Variants in CALCOCO2 observed in about 807,000 individuals in gnomAD.
CALCOCO2 encodes the protein calcium binding and coiled-coil domain 2, also known as calcium-binding and coiled-coil domain-containing protein 2.
A neutral mutation model predicts 62.5 loss-of-function variants in CALCOCO2; 42 were observed. That is an observed-to-expected ratio of 0.67 (90% confidence interval 0.53 to 0.87). The LOEUF (loss-of-function observed/expected upper bound fraction) is 0.87. CALCOCO2 is among the 40% of genes least tolerant of loss of function. CALCOCO2 has a pLI of 0.00. For synonymous variants in CALCOCO2, 167 were observed against 173.0 expected (o/e 0.97, Z 0.27); for missense variants, 456 against 515.0 (o/e 0.89, Z 1.11).
chr17:48,858,827 G>T (rs1040394439), intron 10 of CALCOCO2, among the ~76,000 whole-genome samples: 1 of 151,660 alleles, frequency 6.6e-6, no homozygotes, highest in Non-Finnish European at 1.5e-5. Flanking sequence ...GGCCGAGGCG[G>T]GTGGATCACG....
At chr17:48,858,703 G>C (rs370294577) in intron 10 of CALCOCO2, among the ~76,000 whole-genome samples, 2 of 151,700 alleles carry the variant, frequency 1.3e-5, no homozygotes, top group African/African-American at 4.9e-5. Context: ...TGTGGGGGGG[G>C]GCAGGTGCAC....
intron 1 of CALCOCO2, among the ~76,000 whole-genome samples, chr17:48,838,964 G>T (rs974275620): frequency 1.3e-5 from 2 of 151,840 alleles, no homozygotes; most frequent in Non-Finnish European, 1.5e-5. Context: ...TGTTTAAGGG[G>T]CAGGAAGTAT....
chr17:48,836,099 C>T (rs1052568953), intron 1 of CALCOCO2, among the ~76,000 whole-genome samples: 2 of 152,172 alleles, frequency 1.3e-5, no homozygotes, highest in Non-Finnish European at 2.9e-5. Flanking sequence ...CCAAGCTACC[C>T]CATGCCCTTA....
intron 1 of CALCOCO2, among the ~76,000 whole-genome samples, chr17:48,837,705 T>A (rs997655535): frequency 6.6e-6 from 1 of 152,030 alleles, no homozygotes. Context: ...GGCTAAACTG[T>A]GTCACAAACC....
chr17:48,854,566 C>T (rs1325776217), intron 9 of CALCOCO2, among the ~76,000 whole-genome samples: 6 of 148,812 alleles, frequency 4.0e-5, no homozygotes, highest in South Asian at 2.2e-4. Flanking sequence ...CCACGATGCC[C>T]GGCTAATTTT....
chr17:48,833,511 C>G (rs2039845252), intron 1 of CALCOCO2, among the ~76,000 whole-genome samples: 1 of 145,428 alleles, frequency 6.9e-6, no homozygotes, highest in Non-Finnish European at 1.5e-5. Context: ...CACACCACTG[C>G]ACTCCACCCT....
At chr17:48,834,757 A>AT (rs1162960109) in intron 1 of CALCOCO2, among the ~76,000 whole-genome samples, 1 of 152,102 alleles carries the variant, frequency 6.6e-6, no homozygotes, top group African/African-American at 2.4e-5. Context: ...AGTCATTTTA[A>AT]TTTTCATGGG....
In CALCOCO2 at chr17:48,864,528, C is replaced by CAAATGGAAA. The variant is rs2040369048; in HGVS notation, c.*1524_*1532dup. Reference sequence around the variant, plus strand: ...ATTTTCTATCCCCTCAGGGACTGAACAAATGGAAATAACTCCCAGGCAGTA... The same window carrying CAAATGGAAA: ...ATTTTCTATCCCCTCAGGGACTGAACAAATGGAAAAAATGGAAATAACTCCCAGGCAGTA... On this transcript the variant is annotated 3_prime_UTR_variant, in exon 13 of 13. Coordinates refer to ENST00000258947, the MANE Select transcript of CALCOCO2 (RefSeq NM_005831.5). 1 of 152,904 alleles carries CAAATGGAAA rather than the reference C, an allele frequency of 6.5e-6. No individual in the cohort carries two copies. The highest frequency in any genetic ancestry group is 2.1e-4 in the South Asian group (1 of 4,864). 9.5% of individuals were successfully genotyped at this position (152,904 alleles called of 1,614,324 possible).
chr17:48,845,371 C>CTCTGTG lies in CALCOCO2; in HGVS notation c.181-2692_181-2691insCTGTGT, dbSNP rs1447732152. Among the ~76,000 whole-genome samples the CTCTGTG allele has an allele frequency of 8.3e-4, 96 of 116,286 alleles. 5 individuals are homozygous for CTCTGTG. The highest frequency in any genetic ancestry group is 1.2e-3 in the African/African-American group (37 of 30,792). 76.3% of individuals were successfully genotyped at this position (116,286 alleles called of 152,430 possible). On this transcript the variant is annotated intron_variant, in intron 2 of 12. Coordinates refer to ENST00000258947, the MANE Select transcript of CALCOCO2 (RefSeq NM_005831.5). ...TGTGTATTGCCTAATTAAATCCTCA[C>CTCTGTG]TGTGTGTGTGTGTGTGTGTGTGTGT...
chr17:48,864,211 G>A lies in CALCOCO2; in HGVS notation c.*1206G>A, dbSNP rs1443139327. The A allele has an allele frequency of 2.0e-5, 3 of 152,000 alleles. No individual in the cohort carries two copies. The highest frequency in any genetic ancestry group is 6.6e-5 in the Admixed American group (1 of 15,208). The allele number at this position is 152,000 out of a possible 1,614,324, so 9.4% of individuals were successfully genotyped here. On this transcript the variant is annotated 3_prime_UTR_variant, in exon 13 of 13. Coordinates refer to ENST00000258947, the MANE Select transcript of CALCOCO2 (RefSeq NM_005831.5). ...CCCAAGTAGCTGGGATTACAGGTGT[G>A]TGCCGCAATGCCCAGCTAATTTTTG... is the stretch of plus-strand genomic sequence containing the variant.
At chr17:48,841,449 C>T (rs1470149414) in intron 1 of CALCOCO2, 4 of 346,294 alleles carry the variant, frequency 1.2e-5, no homozygotes, top group African/African-American at 8.5e-5. Context: ...AGCCTCTGTT[C>T]ATGTGAGGGT....
At chr17:48,833,304 C>T (rs1255815572) in intron 1 of CALCOCO2, among the ~76,000 whole-genome samples, 1 of 152,130 alleles carries the variant, frequency 6.6e-6, no homozygotes, top group East Asian at 1.9e-4. Flanking sequence ...CGCCTGTAAT[C>T]CCAGCACTTT....
chr17:48,845,297 C>T lies in CALCOCO2; in HGVS notation c.181-2767C>T, dbSNP rs943727286. ...GACTTGAATACCTACCCTGAGGACACACTATGCTAGGCCTATGTTGAGGGT... is the reference window on the plus strand; with the variant it reads ...GACTTGAATACCTACCCTGAGGACATACTATGCTAGGCCTATGTTGAGGGT... On this transcript the variant is annotated intron_variant, in intron 2 of 12. Transcript: ENST00000258947. Among the ~76,000 whole-genome samples the T allele has an allele frequency of 2.0e-5, 3 of 150,700 alleles. No individual in the cohort carries two copies. In the Admixed American group the frequency reaches 2.0e-4, roughly 10 times the overall value.
Position 48,862,873 on chromosome 17 carries a change from T to C in CALCOCO2, c.1209T>C (p.Asp403=). Reference sequence around the variant, plus strand: ...AGAAATGCCCTATCTGCAAAGCAGATGATATTTGTGATCACACCTTGGAGC... The same window carrying C: ...AGAAATGCCCTATCTGCAAAGCAGACGATATTTGTGATCACACCTTGGAGC... ...SIKKCPICKA[D]DICDHTLEQQ... The change falls in exon 13 of 13, where the codon GAT becomes GAC. Residue 403 remains aspartate, a synonymous_variant. Coordinates refer to ENST00000258947, the MANE Select transcript of CALCOCO2 (RefSeq NM_005831.5). The C allele has an allele frequency of 4.3e-6, 7 of 1,614,126 alleles. No homozygotes were observed. The highest frequency in any genetic ancestry group is 5.9e-6 in the Non-Finnish European group (7 of 1,179,934).
intron 1 of CALCOCO2, among the ~76,000 whole-genome samples, chr17:48,838,841 T>C (rs1303337722): frequency 1.3e-5 from 2 of 152,220 alleles, no homozygotes; most frequent in African/African-American, 2.4e-5. Context: ...TTTCTTCATC[T>C]TCTGTGTACA....
At chr17:48,846,574 T>C (rs2040056602) in intron 2 of CALCOCO2, 11 of 766,930 alleles carry the variant, frequency 1.4e-5, no homozygotes, top group South Asian at 1.4e-4. Context: ...TTCCCAATGA[T>C]ATTTTGGTCA....
intron 1 of CALCOCO2, among the ~76,000 whole-genome samples, chr17:48,838,976 A>C (rs916383762): frequency 6.6e-5 from 10 of 151,990 alleles, no homozygotes; most frequent in Admixed American, 2.0e-4. Context: ...AGGAAGTATT[A>C]GGTGTCAACA....
intron 1 of CALCOCO2, among the ~76,000 whole-genome samples, chr17:48,833,561 A>G (rs2039847078): frequency 7.2e-6 from 1 of 138,692 alleles, no homozygotes; most frequent in African/African-American, 2.7e-5. Flanking sequence ...AAAAAAAAAA[A>G]AGAAAGAAAA....
chr17:48,843,745 C>T (rs771766918), intron 2 of CALCOCO2, among the ~76,000 whole-genome samples: 4 of 152,166 alleles, frequency 2.6e-5, no homozygotes, highest in Non-Finnish European at 4.4e-5. Flanking sequence ...TGTAGCAAAG[C>T]GTATAGGTCA....
Sources: allele counts gnomAD v4.1 joint callset (sites outside exome capture counted in the v4.1 genomes callset), GRCh38; gene constraint gnomAD v4.1.1; transcripts MANE v1.5; gene names NCBI Gene and HGNC (gene_info 2026-07-23, HGNC 2026-07-21).